TNFAIP2: variants seen among roughly 807,000 people sequenced by gnomAD.
The protein encoded by TNFAIP2 is tumor necrosis factor alpha-induced protein 2.
TNFAIP2 carries 47 observed loss-of-function variants against 63.5 expected under a neutral mutation model. That is an observed-to-expected ratio of 0.74 (90% CI 0.59 to 0.94). TNFAIP2 has a LOEUF of 0.94. Among genes scored for constraint, TNFAIP2 ranks in the 40% least tolerant of loss-of-function variants. The pLI is 0.00. For synonymous variants in TNFAIP2, 405 were observed against 390.2 expected (o/e 1.04, Z -0.45); for missense variants, 787 against 850.2 (o/e 0.93, Z 0.92).
In TNFAIP2 at chr14:103,127,882, C is replaced by T. The variant is rs1347683123; in HGVS notation, c.860+253C>T. 1.3e-5 allele frequency among the ~76,000 whole-genome samples: 2 copies of T among 152,164 alleles called. No homozygotes were observed. The highest frequency in any genetic ancestry group is 2.9e-5 in the Non-Finnish European group (2 of 68,036). On this transcript the variant is annotated intron_variant, in intron 3 of 11. Coordinates refer to ENST00000560869, the MANE Select transcript of TNFAIP2 (RefSeq NM_006291.4). The surrounding 1 kb of genome is among the most constrained non-coding windows in gnomAD (Gnocchi z 5.1). ...TCTTGGAATCCTTAATTTCCTGGGC[C>T]TCAGTCACATTCTGCTGTTGGGGAA...
chr14:103,132,309 C>T (rs1416407296), intron 8 of TNFAIP2, among the ~76,000 whole-genome samples: 1 of 152,116 alleles, frequency 6.6e-6, no homozygotes, highest in East Asian at 1.9e-4. Context: ...GGGGGTCTCT[C>T]AAAAGGAAGG....
intron 1 of TNFAIP2, among the ~76,000 whole-genome samples, chr14:103,124,871 G>T (rs1232787238): frequency 2.0e-5 from 3 of 152,244 alleles, no homozygotes; most frequent in Non-Finnish European, 4.4e-5. Flanking sequence ...CAGGGCACTG[G>T]GTGAGCATGG....
In TNFAIP2 at chr14:103,135,655, G is replaced by A; in HGVS notation, c.*295G>A. The A allele has an allele frequency of 7.8e-7, 1 of 1,283,344 alleles. No individual in the cohort carries two copies. The highest frequency in any genetic ancestry group is 1.5e-5 in the South Asian group (1 of 65,298). The allele number at this position is 1,283,344 out of a possible 1,614,324, so 79.5% of individuals were successfully genotyped here. ...TGTGCACGCAAGGAAAGAACCAGGA[G>A]GGAGAGTGCAGCCAGGCTCAGGGAT... is the stretch of plus-strand genomic sequence containing the variant. On this transcript the variant is annotated 3_prime_UTR_variant, in exon 12 of 12. Coordinates refer to ENST00000560869, the MANE Select transcript of TNFAIP2 (RefSeq NM_006291.4). The surrounding 1 kb of genome is among the most constrained non-coding windows in gnomAD (Gnocchi z 7.6).
rs914161591 is a variant in TNFAIP2 at position 103,131,958 on chromosome 14, C to T, written c.1422+196C>T. Among the ~76,000 whole-genome samples the T allele has an allele frequency of 1.9e-5, 2 of 103,060 alleles. No homozygotes were observed. The highest frequency in any genetic ancestry group is 3.9e-5 in the African/African-American group (1 of 25,448). 67.6% of individuals were successfully genotyped at this position (103,060 alleles called of 152,430 possible). On this transcript the variant is annotated intron_variant, in intron 8 of 11. Transcript: ENST00000560869. This position sits in a 1 kb window ranked among gnomAD's most constrained non-coding sequence, Gnocchi z 4.0. ...GACCCTAGCAGGCTCTGAACTCCGC[C>T]GATCATGTCCTGGGGTTTCACCTGA...
intron 3 of TNFAIP2, among the ~76,000 whole-genome samples, chr14:103,128,454 A>T (rs751517589): frequency 6.6e-6 from 1 of 152,096 alleles, no homozygotes; most frequent in Non-Finnish European, 1.5e-5. Flanking sequence ...GCATGGAGAG[A>T]GGCTTACTGC....
At position 103,127,896 on chromosome 14, in the gene TNFAIP2, G is replaced by T. The variant is rs117907651; in HGVS notation, c.860+267G>T. 9.4e-3 allele frequency among the ~76,000 whole-genome samples: 1,426 copies of T among 152,304 alleles called. 11 individuals are homozygous for T. Among genetic ancestry groups the T allele is most frequent in the Non-Finnish European group, 0.015 (1,006 of 68,020 alleles). On this transcript the variant is annotated intron_variant, in intron 3 of 11. Transcript: ENST00000560869. This position sits in a 1 kb window ranked among gnomAD's most constrained non-coding sequence, Gnocchi z 5.1. ...ATTTCCTGGGCCTCAGTCACATTCTGCTGTTGGGGAAACTGAGGCACAGAA... is the reference window on the plus strand; with the variant it reads ...ATTTCCTGGGCCTCAGTCACATTCTTCTGTTGGGGAAACTGAGGCACAGAA...
chr14:103,127,092 C>A lies in TNFAIP2; in HGVS notation c.323C>A (p.Ala108Glu). ...CTGGAGCGGGAGCTGGCGGCGGCGGCGGCGGCGGGCGGTGTGAGCGAGGAG... is the reference window on the plus strand; with the variant it reads ...CTGGAGCGGGAGCTGGCGGCGGCGGAGGCGGCGGGCGGTGTGAGCGAGGAG... ...LALERELAAA[A>E]AAGGVSEEEL... is the part of the protein sequence containing the mutation. The change falls in exon 3 of 12, where the codon GCG becomes GAG. Residue 108 changes from alanine (A) to glutamate (E), a missense_variant. Coordinates refer to ENST00000560869, the MANE Select transcript of TNFAIP2 (RefSeq NM_006291.4). The surrounding 1 kb of genome is among the most constrained non-coding windows in gnomAD (Gnocchi z 5.1). 1 of 1,103,880 alleles carries A rather than the reference C, an allele frequency of 9.1e-7. No individual in the cohort carries two copies. Among genetic ancestry groups the A allele is most frequent in the South Asian group, 3.8e-5 (1 of 26,536 alleles). 68.4% of individuals were successfully genotyped at this position (1,103,880 alleles called of 1,614,324 possible).
chr14:103,129,606 C>A (rs2087928176), intron 3 of TNFAIP2, 134 bp from the exon 4 acceptor site: 2 of 693,610 alleles, frequency 2.9e-6, no homozygotes, highest in Non-Finnish European at 5.0e-6. Context: ...GAAATGGGGA[C>A]CGGGTGGGGG....
At chr14:103,134,684 A>G (rs2088060293) in intron 11 of TNFAIP2, among the ~76,000 whole-genome samples, 1 of 149,872 alleles carries the variant, frequency 6.7e-6, no homozygotes, top group Non-Finnish European at 1.5e-5. Flanking sequence ...CCCACCATCC[A>G]TCTACCTATG....
At chr14:103,123,055 T>C (rs1341787342), upstream of TNFAIP2, 1 of 248,882 alleles carries the variant, frequency 4.0e-6, no homozygotes, top group Admixed American at 4.9e-5. Flanking sequence ...GGCTGGGGAG[T>C]TGGGGTGGGA....
At chr14:103,129,669 C>A in intron 3 of TNFAIP2, 71 bp from the exon 4 acceptor site, 1 of 1,428,024 alleles carries the variant, frequency 7.0e-7, no homozygotes, top group Non-Finnish European at 9.8e-7. Flanking sequence ...AGGCTGAGGG[C>A]CTGGGCTCTA....
At position 103,129,764 on chromosome 14, in the gene TNFAIP2, G is replaced by C. The variant is rs1358389347; in HGVS notation, c.885G>C (p.Leu295=). The change falls in exon 4 of 12, where the codon CTG becomes CTC. Residue 295 remains leucine, a synonymous_variant. Coordinates refer to ENST00000560869, the MANE Select transcript of TNFAIP2 (RefSeq NM_006291.4). ...YPNDIINSPK[L]VGELQGMGLG... ...GTGACATCATCAACAGCCCCAAGCT[G>C]GTGGGTGAGCTGCAGGGTATGGGGC... 1 of 1,613,886 alleles carries C rather than the reference G, an allele frequency of 6.2e-7. No individual in the cohort carries two copies. Among genetic ancestry groups the C allele is most frequent in the Non-Finnish European group, 8.5e-7 (1 of 1,179,950 alleles).
intron 6 of TNFAIP2, 81 bp from the exon 7 acceptor site, chr14:103,130,971 C>T: frequency 2.8e-6 from 4 of 1,439,628 alleles, no homozygotes; most frequent in Non-Finnish European, 3.9e-6. Context: ...ACCCCAGGAG[C>T]TGGCAGGGAG....
Position 103,126,996 on chromosome 14 carries a change from C to T in TNFAIP2, c.236-9C>T. On this transcript the variant is annotated splice_polypyrimidine_tract_variant and intron_variant, in intron 2 of 11. Coordinates refer to ENST00000560869, the MANE Select transcript of TNFAIP2 (RefSeq NM_006291.4). Reference sequence around the variant, plus strand: ...TGGGGCCGGGGCTGACGCGGCTTTCCCGGCGCAGTGGAGGAGCTGAAGGCG... The same window carrying T: ...TGGGGCCGGGGCTGACGCGGCTTTCTCGGCGCAGTGGAGGAGCTGAAGGCG... The T allele has an allele frequency of 8.2e-7, 1 of 1,215,742 alleles. No homozygotes were observed. The highest frequency in any genetic ancestry group is 4.1e-5 in the East Asian group (1 of 24,586). 75.3% of individuals were successfully genotyped at this position (1,215,742 alleles called of 1,614,324 possible). A position where few individuals can be genotyped will look rare whatever the true frequency, so the allele number is the denominator to read the frequency against.
intron 9 of TNFAIP2, among the ~76,000 whole-genome samples, chr14:103,133,161 C>A (rs557634248): frequency 3.3e-5 from 5 of 149,322 alleles, no homozygotes; most frequent in Non-Finnish European, 7.4e-5. Context: ...CATGTGAACA[C>A]GTGAACGCAT....
chr14:103,134,966 G>A (rs2088065367), intron 11 of TNFAIP2, among the ~76,000 whole-genome samples: 1 of 152,238 alleles, frequency 6.6e-6, no homozygotes, highest in Non-Finnish European at 1.5e-5. Context: ...CTAAGGGGTG[G>A]GAAGAGGCGG....
At chr14:103,130,908 C>T (rs567132032) in intron 6 of TNFAIP2, 144 bp from the exon 7 acceptor site, 4 of 765,920 alleles carry the variant, frequency 5.2e-6, no homozygotes, top group African/African-American at 1.7e-5. Flanking sequence ...TTCCATGATG[C>T]CCAGGGGCTA....
rs140333463 is a variant in TNFAIP2, at chr14:103,136,278, T to G, written c.*918T>G. The G allele has an allele frequency of 5.3e-4, 111 of 209,290 alleles. No individual in the cohort carries two copies. In the East Asian group the frequency reaches 6.0e-3, roughly 11 times the overall value. The allele number at this position is 209,290 out of a possible 1,614,324, so 13.0% of individuals were successfully genotyped here. A position where few individuals can be genotyped will look rare whatever the true frequency, so the allele number is the denominator to read the frequency against. On this transcript the variant is annotated 3_prime_UTR_variant, in exon 12 of 12. Coordinates refer to ENST00000560869, the MANE Select transcript of TNFAIP2 (RefSeq NM_006291.4). Reference sequence around the variant, plus strand: ...GACAGGTTTCCACAAACTTCGTGGATCAAAACGAGGTCTTCCAGTTCTGCG... The same window carrying G: ...GACAGGTTTCCACAAACTTCGTGGAGCAAAACGAGGTCTTCCAGTTCTGCG...
At position 103,133,668 on chromosome 14, in the gene TNFAIP2, AC is replaced by A; in HGVS notation, c.1702-11del. 4 of 1,551,452 alleles carry A rather than the reference AC, an allele frequency of 2.6e-6. No individual in the cohort carries two copies. Among genetic ancestry groups the A allele is most frequent in the Non-Finnish European group, 3.5e-6 (4 of 1,151,732 alleles). ...TGGACCCCTGGGTCCCTCCAACCAC[AC>A]CCACTCCTGCAGGGCTCCCCGGCGA... On this transcript the variant is annotated splice_polypyrimidine_tract_variant and intron_variant, in intron 10 of 11. Transcript: ENST00000560869.
Sources: allele counts gnomAD v4.1 joint callset (sites outside exome capture counted in the v4.1 genomes callset), GRCh38; gene constraint gnomAD v4.1.1; non-coding constraint Gnocchi (gnomAD v3.1); transcripts MANE v1.5; gene names NCBI Gene and HGNC (gene_info 2026-07-23, HGNC 2026-07-21).